The following GPR155 variants were observed in gnomAD, a reference collection of about 807,000 sequenced individuals.
GPR155 encodes the protein lysosomal cholesterol signaling protein.
In GPR155, 65 loss-of-function variants were observed where a neutral mutation model predicts 93.1. That is an observed-to-expected ratio of 0.70 (90% CI 0.57 to 0.86). The LOEUF is 0.86. Among genes scored for constraint, GPR155 ranks in the 40% least tolerant of loss-of-function variants. The pLI is 0.00. For missense variants in GPR155, 838 were observed against 1,034.8 expected (o/e 0.81, Z 2.61); for synonymous variants, 319 against 360.1 (o/e 0.89, Z 1.29).
At position 174,472,964 on chromosome 2, in the gene GPR155, C is replaced by G. The variant is rs765278094; in HGVS notation, c.860+1G>C. 6 of 1,574,184 alleles carry G rather than the reference C, an allele frequency of 3.8e-6. No homozygotes were observed. In the South Asian group the frequency reaches 6.1e-5, roughly 16 times the overall value. On this transcript the variant is annotated splice_donor_variant, in intron 3 of 15. Coordinates refer to ENST00000392552, the MANE Select transcript of GPR155 (RefSeq NM_152529.7). LOFTEE classifies it high-confidence loss of function. The stretch of plus-strand genomic sequence containing the variant: ...TCTCAAGTTAAATAAGTGATGCTTA[C>G]AGTTTAGCTGTGATGAGAAGAATTA...
intron 11 of GPR155, among the ~76,000 whole-genome samples, chr2:174,447,010 T>G (rs1687152184): frequency 6.6e-6 from 1 of 152,158 alleles, no homozygotes; most frequent in Non-Finnish European, 1.5e-5. Flanking sequence ...TATAATTATC[T>G]AACATAAGTT....
chr2:174,461,638 C>T lies in GPR155; in HGVS notation c.1419G>A (p.Lys473=), dbSNP rs142936952. Residue 473 remains lysine (K), a synonymous_variant, in exon 8 of 16, where the codon AAG becomes AAA. Transcript: ENST00000392552. Reference sequence around the variant, plus strand: ...CAACAGGAATTTGTACCCTCTCTCGCTTTTTCAAAAGAAACAAAGAAATTG... The same window carrying T: ...CAACAGGAATTTGTACCCTCTCTCGTTTTTTCAAAAGAAACAAAGAAATTG... ...LLAISLFLLK[K]RERVQIPVGI... 8 of 1,610,922 alleles carry T rather than the reference C, an allele frequency of 5.0e-6. No homozygotes were observed. In the African/African-American group the frequency reaches 8.0e-5, roughly 16 times the overall value.
At chr2:174,447,979 A>C in intron 11 of GPR155, among the ~76,000 whole-genome samples, 1 of 152,118 alleles carries the variant, frequency 6.6e-6, no homozygotes, top group East Asian at 1.9e-4. Flanking sequence ...CTGTGAAACA[A>C]ATTATTATTA....
At chr2:174,443,606 G>C in intron 13 of GPR155, among the ~76,000 whole-genome samples, 1 of 152,148 alleles carries the variant, frequency 6.6e-6, no homozygotes, top group East Asian at 1.9e-4. Context: ...GCAGGTGCCT[G>C]TAGTCCTAGC....
intron 10 of GPR155, among the ~76,000 whole-genome samples, chr2:174,457,653 C>T (rs756551557): frequency 6.6e-6 from 1 of 152,178 alleles, no homozygotes; most frequent in Non-Finnish European, 1.5e-5. Flanking sequence ...GATGGTGTTT[C>T]ACCATGTTAG....
At position 174,461,439 on chromosome 2, in the gene GPR155, T is replaced by C. The variant is rs1314366233; in HGVS notation, c.1523A>G (p.Asp508Gly). The C allele has an allele frequency of 1.2e-6, 2 of 1,613,456 alleles. No individual in the cohort carries two copies. The highest frequency in any genetic ancestry group is 2.7e-5 in the African/African-American group (2 of 75,044). The change falls in exon 9 of 16, where the codon GAT becomes GGT. Residue 508 changes from aspartate (D) to glycine (G), a missense_variant. Asp to Gly is a moderately conservative substitution (Grantham distance 94, BLOSUM62 -1). Transcript: ENST00000392552. ...VLLITGKHNG[D>G]SIDSAFFYGK... The stretch of plus-strand genomic sequence containing the variant: ...ATAAAAGAAGGCTGAGTCAATGCTA[T>C]CTCCATTGTGTTTTCCAGTTATCAA...
At position 174,473,171 on chromosome 2, in the gene GPR155, T is replaced by A; in HGVS notation, c.654A>T (p.Pro218=). The change falls in exon 3 of 16, where the codon CCA becomes CCT. Residue 218 remains proline, a synonymous_variant. Transcript: ENST00000392552. ...TGCCAATGAAGACCATAAATACTAT[T>A]GGGTTCTGTAATACACGCAGGAGTC... ...GLGLLRVLQN[P]IVFMVFIGIA... 6.2e-7 allele frequency: 1 copy of A among 1,613,316 alleles called. No individual in the cohort carries two copies. Among genetic ancestry groups the A allele is most frequent in the Non-Finnish European group, 8.5e-7 (1 of 1,179,520 alleles).
intron 15 of GPR155, among the ~76,000 whole-genome samples, chr2:174,439,680 T>G (rs1401412898): frequency 6.6e-6 from 1 of 152,208 alleles, no homozygotes; most frequent in Non-Finnish European, 1.5e-5. Flanking sequence ...AGAAGTTATA[T>G]GACATTTTTA....
At chr2:174,450,992 A>G (rs1687300831) in intron 11 of GPR155, among the ~76,000 whole-genome samples, 1 of 152,126 alleles carries the variant, frequency 6.6e-6, no homozygotes, top group South Asian at 2.1e-4. Flanking sequence ...AAGTATACCT[A>G]TATATAATAA....
intron 4 of GPR155, 46 bp from the exon 5 acceptor site, chr2:174,469,113 A>G: frequency 6.4e-7 from 1 of 1,563,576 alleles, no homozygotes; most frequent in Non-Finnish European, 8.8e-7. Flanking sequence ...TCAATTAAAC[A>G]GTATTTTAAA....
At chr2:174,457,467 CT>C (rs1270215804) in intron 10 of GPR155, among the ~76,000 whole-genome samples, 1 of 152,046 alleles carries the variant, frequency 6.6e-6, no homozygotes, top group African/African-American at 2.4e-5. Context: ...CTGTCTTAGA[CT>C]TTTTTTGAGA....
chr2:174,445,691 G>T (rs1174719935), intron 12 of GPR155, among the ~76,000 whole-genome samples: 2 of 152,028 alleles, frequency 1.3e-5, no homozygotes, highest in African/African-American at 4.8e-5. Context: ...CCATCTCAAA[G>T]AATTATATAA....
At chr2:174,460,638 A>G (rs1188069455) in intron 9 of GPR155, among the ~76,000 whole-genome samples, 3 of 152,210 alleles carry the variant, frequency 2.0e-5, no homozygotes, top group African/African-American at 7.2e-5. Context: ...ACAATTGGTT[A>G]CCAACACAGC....
At chr2:174,480,158 GTC>G (rs1313336721) in intron 2 of GPR155, among the ~76,000 whole-genome samples, 1 of 152,178 alleles carries the variant, frequency 6.6e-6, no homozygotes, top group East Asian at 1.9e-4. Context: ...ATAGGCTCAA[GTC>G]TCTGCTCAGA....
Position 174,436,285 on chromosome 2 carries a change from A to G in GPR155, c.2444T>C (p.Ile815Thr). 1 of 1,614,154 alleles carries G rather than the reference A, an allele frequency of 6.2e-7. No homozygotes were observed. Among genetic ancestry groups the G allele is most frequent in the African/African-American group, 1.3e-5 (1 of 75,032 alleles). Reference sequence around the variant, plus strand: ...TTCATACTCGTTGGTAATATGTTGGATGACTCCCCCTTGTACCAGCCTGTC... The same window carrying G: ...TTCATACTCGTTGGTAATATGTTGGGTGACTCCCCCTTGTACCAGCCTGTC... ...YGDRLVQGGVIQHITNEYEFR... is the reference protein window; with the variant it reads ...YGDRLVQGGVTQHITNEYEFR... Residue 815 changes from isoleucine to threonine, a missense_variant, in exon 16 of 16, where the codon ATC becomes ACC. By Grantham distance (89) the Ile-to-Thr change is moderately conservative. Coordinates refer to ENST00000392552, the MANE Select transcript of GPR155 (RefSeq NM_152529.7).
In GPR155 at chr2:174,465,807, G is replaced by C; in HGVS notation, c.1362C>G (p.Leu454=). 6.3e-7 allele frequency: 1 copy of C among 1,588,710 alleles called. No homozygotes were observed. The highest frequency in any genetic ancestry group is 8.6e-7 in the Non-Finnish European group (1 of 1,157,808). The change falls in exon 7 of 16, where the codon CTC becomes CTG. Residue 454 remains leucine (L), a synonymous_variant. Transcript: ENST00000392552. ...ILVFVLLYSS[L]YSTYLWTGLL... is the part of the protein sequence containing the mutation. Reference sequence around the variant, plus strand: ...CACCTGTCCACAGGTAGGTGCTATAGAGGGAGCTGTACAATAGAACAAACA... The same window carrying C: ...CACCTGTCCACAGGTAGGTGCTATACAGGGAGCTGTACAATAGAACAAACA...
At chr2:174,472,586 A>G (rs1461927164) in intron 3 of GPR155, among the ~76,000 whole-genome samples, 1 of 152,214 alleles carries the variant, frequency 6.6e-6, no homozygotes, top group African/African-American at 2.4e-5. Context: ...TTGCATTAGA[A>G]ATTATTGTTC....
At chr2:174,442,386 C>A (rs1686992078) in intron 13 of GPR155, among the ~76,000 whole-genome samples, 1 of 152,180 alleles carries the variant, frequency 6.6e-6, no homozygotes. Flanking sequence ...CTATCCCACT[C>A]ATTGTGATGG....
chr2:174,449,847 G>A (rs958893090), intron 11 of GPR155, among the ~76,000 whole-genome samples: 1 of 152,084 alleles, frequency 6.6e-6, no homozygotes, highest in Non-Finnish European at 1.5e-5. Flanking sequence ...ATGGTGGCAG[G>A]TGCCTGTAGT....
Sources: allele counts gnomAD v4.1 joint callset (sites outside exome capture counted in the v4.1 genomes callset), GRCh38; gene constraint gnomAD v4.1.1; transcripts MANE v1.5; gene names NCBI Gene and HGNC (gene_info 2026-07-23, HGNC 2026-07-21).